Variants in GRAMD4 observed in about 807,000 individuals in gnomAD.
GRAMD4 encodes GRAM domain containing 4.
In GRAMD4, 25 loss-of-function variants were observed where a neutral mutation model predicts 83.9. The observed-to-expected ratio is 0.30, with a 90% CI of 0.22 to 0.42. The LOEUF (loss-of-function observed/expected upper bound fraction) is 0.42. GRAMD4 is among the 10% of genes least tolerant of loss of function. The probability of loss-of-function intolerance (pLI) is 1.00; values close to 1 mark genes in which losing one functional copy is unlikely to be tolerated. For missense variants in GRAMD4, 593 were observed against 788.7 expected, an observed-to-expected ratio of 0.75 and a Z score of 2.97; for synonymous variants, 336 against 320.9, an observed-to-expected ratio of 1.05 and a Z score of -0.50.
chr22:46,594,837 G>A (rs879506681), intron 1 of GRAMD4, among the ~76,000 whole-genome samples: 3 of 151,992 alleles, frequency 2.0e-5, no homozygotes, highest in Non-Finnish European at 4.4e-5. Context: ...GTGAGGAGGG[G>A]CGCCCCACAT....
At chr22:46,593,662 T>C (rs1296690616) in intron 1 of GRAMD4, among the ~76,000 whole-genome samples, 2 of 152,196 alleles carry the variant, frequency 1.3e-5, no homozygotes, top group African/African-American at 4.8e-5. Flanking sequence ...GATGCGTCAT[T>C]GGCCTGGGGT....
Position 46,633,817 on chromosome 22 carries a change from G to A in GRAMD4, c.163-4023G>A, listed in dbSNP as rs377292673. On this transcript the variant is annotated intron_variant, in intron 2 of 18. Coordinates refer to ENST00000406902, the MANE Select transcript of GRAMD4 (RefSeq NM_015124.5). ...GAGGTGGGCTGGGTGGGCTCCGGGG[G>A]TCCCGGCCGTACAGGGGGTGTTTTC... Among the ~76,000 whole-genome samples, 12 of 152,150 alleles carry A rather than the reference G, an allele frequency of 7.9e-5. No homozygotes were observed. In the East Asian group the frequency reaches 9.7e-4, roughly 12 times the overall value.
intron 14 of GRAMD4, 65 bp from the exon 15 acceptor site, chr22:46,673,605 C>T: frequency 7.0e-6 from 11 of 1,565,424 alleles, no homozygotes; most frequent in East Asian, 2.3e-5. Context: ...TGTGTGCGGC[C>T]AGCACATCTG....
intron 3 of GRAMD4, among the ~76,000 whole-genome samples, chr22:46,655,021 G>A (rs540466269): frequency 1.3e-5 from 2 of 152,344 alleles, no homozygotes; most frequent in South Asian, 2.1e-4. Context: ...CAGATGGGGG[G>A]GCTGTTGGGG....
At chr22:46,635,248 CCTGG>C in intron 2 of GRAMD4, among the ~76,000 whole-genome samples, 2 of 145,866 alleles carry the variant, frequency 1.4e-5, no homozygotes, top group Non-Finnish European at 3.0e-5. Flanking sequence ...TGCCCCCACC[CCTGG>C]CCACTCCTGT....
rs546552279 is a variant in GRAMD4 at position 46,590,826 on chromosome 22, C to G, written c.-50+13536C>G. ...CTGTAATCCCAACACTTTGGGAGGC[C>G]GAGGCAGGTGGATTGTCTGTGGTCG... is the stretch of plus-strand genomic sequence containing the variant. On this transcript the variant is annotated intron_variant, in intron 1 of 1. Transcript: ENST00000431155. 5.3e-5 allele frequency among the ~76,000 whole-genome samples: 8 copies of G among 152,110 alleles called. No homozygotes were observed. In the South Asian group the frequency reaches 1.5e-3, roughly 28 times the overall value.
chr22:46,675,695 C>T lies in GRAMD4; in HGVS notation c.1563+143C>T, dbSNP rs1601691860. The T allele has an allele frequency of 4.6e-6, 3 of 652,932 alleles. No homozygotes were observed. The East Asian group carries it at 8.1e-5, about 18-fold the overall frequency. 40.4% of individuals were successfully genotyped at this position (652,932 alleles called of 1,614,324 possible). On this transcript the variant is annotated intron_variant, in intron 17 of 18. Coordinates refer to ENST00000406902, the MANE Select transcript of GRAMD4 (RefSeq NM_015124.5). ...CACGCTGGCCGGCCATGGTCCGTTT[C>T]CTTGACTTGAGTCCCCATGTCCCTG...
intron 3 of GRAMD4, among the ~76,000 whole-genome samples, chr22:46,650,358 C>T (rs894494459): frequency 4.1e-5 from 5 of 121,712 alleles, no homozygotes; most frequent in African/African-American, 1.8e-4. Flanking sequence ...TGGAGGGCTG[C>T]GTGTCGAGGC....
rs73457307 is a variant in GRAMD4, at chr22:46,590,005, C to T, written c.-50+12715C>T. Among the ~76,000 whole-genome samples, 1,402 of 152,338 alleles carry T rather than the reference C, an allele frequency of 9.2e-3. 24 individuals are homozygous for T. Among genetic ancestry groups the T allele is most frequent in the African/African-American group, 0.032 (1,322 of 41,576 alleles). On this transcript the variant is annotated intron_variant, in intron 1 of 1. Coordinates refer to the GRAMD4 transcript ENST00000431155. ...TATTGGTGGGGAGGCCGTGTCGCCT[C>T]CTGTAACTCCCACGGCAGTCTTGCA...
chr22:46,669,596 G>A (rs2082468692), intron 13 of GRAMD4, among the ~76,000 whole-genome samples: 1 of 146,422 alleles, frequency 6.8e-6, no homozygotes. Context: ...TTTTTTTGGA[G>A]ACGGAGTGTC....
chr22:46,635,609 C>CT (rs1420638988), intron 2 of GRAMD4, among the ~76,000 whole-genome samples: 3 of 124,082 alleles, frequency 2.4e-5, no homozygotes, highest in African/African-American at 5.7e-5. Context: ...TCTTCCCTGC[C>CT]CCGCCCCCGG....
chr22:46,595,507 C>T (rs189349344), intron 1 of GRAMD4, among the ~76,000 whole-genome samples: 4 of 152,294 alleles, frequency 2.6e-5, no homozygotes, highest in African/African-American at 4.8e-5. Flanking sequence ...AGTATGGGCA[C>T]AGAGGTGCAG....
rs751034556 is a variant in GRAMD4, at chr22:46,673,736, G to A, written c.1306G>A (p.Ala436Thr). The A allele has an allele frequency of 7.4e-6, 12 of 1,612,794 alleles. No homozygotes were observed. The highest frequency in any genetic ancestry group is 5.5e-5 in the South Asian group (5 of 91,080). ...APAGLGKEED[A>T]GRFHSTKKGN... is the part of the protein sequence containing the mutation. ...GGCCGGCCTGGGTAAAGAGGAGGAC[G>A]CCGGTCGCTTCCACAGCACCAAGAA... is the stretch of plus-strand genomic sequence containing the variant. Residue 436 changes from alanine (A) to threonine (T), a missense_variant, in exon 15 of 19, where the codon GCC (alanine) becomes ACC (threonine). Physicochemically the swap from Ala to Thr is moderately conservative, Grantham distance 58. This residue lies in a region of GRAMD4 where 171 missense variants were observed against 199.6 expected (regional missense o/e 0.86). Coordinates refer to ENST00000406902, the MANE Select transcript of GRAMD4 (RefSeq NM_015124.5).
chr22:46,673,647 T>C, intron 14 of GRAMD4, 23 bp from the exon 15 acceptor site: 1 of 1,607,012 alleles, frequency 6.2e-7, no homozygotes, highest in African/African-American at 1.3e-5. Context: ...GGGCCTGACC[T>C]CGACGCTGTT....
chr22:46,576,899 G>T (rs900112522), upstream of GRAMD4, among the ~76,000 whole-genome samples: 9 of 146,148 alleles, frequency 6.2e-5, no homozygotes, highest in Non-Finnish European at 1.1e-4. Flanking sequence ...GGCGCACGTG[G>T]CCACCCAAAC....
At position 46,663,076 on chromosome 22, in the gene GRAMD4, A is replaced by G. The variant is rs201013436; in HGVS notation, c.503A>G (p.Lys168Arg). Residue 168 changes from lysine (K) to arginine (R), a missense_variant, in exon 6 of 19, where the codon AAG becomes AGG. By Grantham distance (26) the Lys-to-Arg change is conservative. Transcript: ENST00000406902. ...CAGGGGCTGTCCTCGCGCCTGCAGA[A>G]GTGGTTCTACGAGCGGTTTGGGGAG... ...RSQGLSSRLQ[K>R]WFYERFGEYV... 1 of 1,612,166 alleles carries G rather than the reference A, an allele frequency of 6.2e-7. No individual in the cohort carries two copies. The highest frequency in any genetic ancestry group is 2.2e-5 in the East Asian group (1 of 44,850).
rs887219926 is a variant in GRAMD4, at chr22:46,596,051, C to T, written c.-50+18761C>T. On this transcript the variant is annotated intron_variant, in intron 1 of 1. Transcript: ENST00000431155. ...GCTTCAGTGCATTAGGATGGGTTCA[C>T]TTTCTCGTAATTCACTCTGAGGACA... Among the ~76,000 whole-genome samples, 3 of 152,352 alleles carry T rather than the reference C, an allele frequency of 2.0e-5. No homozygotes were observed. In the South Asian group the frequency reaches 6.2e-4, roughly 32 times the overall value.
chr22:46,643,974 C>T (rs2082027961), intron 3 of GRAMD4, among the ~76,000 whole-genome samples: 1 of 152,236 alleles, frequency 6.6e-6, no homozygotes, highest in Non-Finnish European at 1.5e-5. Context: ...CCCATTTCCT[C>T]TCTTCCCCTG....
rs1487243341 is a variant in GRAMD4, at chr22:46,672,192, T to C, written c.1085-651T>C. Among the ~76,000 whole-genome samples the C allele has an allele frequency of 2.0e-5, 3 of 152,196 alleles. No individual in the cohort carries two copies. Among genetic ancestry groups the C allele is most frequent in the East Asian group, 1.9e-4 (1 of 5,186 alleles). ...CTGCATCTGTTGCCAGGTGGGGTCCTGGGGCGCAGTCAGGCCTGGCTCTTC... is the reference window on the plus strand; with the variant it reads ...CTGCATCTGTTGCCAGGTGGGGTCCCGGGGCGCAGTCAGGCCTGGCTCTTC... On this transcript the variant is annotated intron_variant, in intron 13 of 18. Coordinates refer to ENST00000406902, the MANE Select transcript of GRAMD4 (RefSeq NM_015124.5). The surrounding 1 kb of genome is among the most constrained non-coding windows in gnomAD (Gnocchi z 4.7).
Sources: allele counts gnomAD v4.1 joint callset (sites outside exome capture counted in the v4.1 genomes callset), GRCh38; gene constraint gnomAD v4.1.1; regional missense constraint gnomAD v4.1.1; non-coding constraint Gnocchi (gnomAD v3.1); transcripts MANE v1.5; gene names NCBI Gene and HGNC (gene_info 2026-07-23, HGNC 2026-07-21).